DNAH3: variants seen among roughly 807,000 people sequenced by gnomAD.
DNAH3 encodes the protein axonemal beta dynein heavy chain 3.
In DNAH3, 332 loss-of-function variants were observed where a neutral mutation model predicts 432.5. The observed-to-expected ratio is 0.77, with a 90% CI of 0.70 to 0.84. The LOEUF is 0.84. Among genes scored for constraint, DNAH3 ranks in the 40% least tolerant of loss-of-function variants. The probability of loss-of-function intolerance (pLI) is 0.00; values close to 1 mark genes in which losing one functional copy is unlikely to be tolerated. For missense variants in DNAH3, 4,861 were observed against 5,114.0 expected, an observed-to-expected ratio of 0.95 and a Z score of 1.51; for synonymous variants, 1,956 against 1,900.2, an observed-to-expected ratio of 1.03 and a Z score of -0.76.
rs572011046 is a variant in DNAH3 at position 21,021,647 on chromosome 16, T to C, written c.5776+324A>G. ...AAGGTAGCCCAGGCGCTGTGGCTTA[T>C]GCCTGTAATCCCAGCACTTTGGGAG... is the stretch of plus-strand genomic sequence containing the variant. On this transcript the variant is annotated intron_variant, in intron 40 of 61. Transcript: ENST00000261383. Among the ~76,000 whole-genome samples the C allele has an allele frequency of 2.0e-5, 3 of 152,214 alleles. No individual in the cohort carries two copies. In the South Asian group the frequency reaches 6.2e-4, roughly 32 times the overall value.
chr16:20,963,382 A>G (rs757038468), exon 53 of DNAH3: 1 of 1,614,154 alleles, frequency 6.2e-7, no homozygotes, highest in Non-Finnish European at 8.5e-7. Context: ...AGGGGCTTCG[A>G]TATACAGCTT....
chr16:21,027,126 A>T (rs1428338016), exon 38 of DNAH3: 1 of 1,612,282 alleles, frequency 6.2e-7, no homozygotes, highest in Admixed American at 1.7e-5. Context: ...CATGAGACAC[A>T]GCTAAAAGTG....
rs555607065 is a variant in DNAH3 at position 21,028,004 on chromosome 16, T to C, written c.5440-877A>G. On this transcript the variant is annotated intron_variant, in intron 37 of 61. Coordinates refer to ENST00000261383, the Ensembl canonical transcript of DNAH3. Reference sequence around the variant, plus strand: ...TTTTTATTTTTAATTTTTATTTGCTTTTGAGACAGGTGTTGCTCTGTTACC... The same window carrying C: ...TTTTTATTTTTAATTTTTATTTGCTCTTGAGACAGGTGTTGCTCTGTTACC... Among the ~76,000 whole-genome samples the C allele has an allele frequency of 2.0e-5, 3 of 152,244 alleles. No individual in the cohort carries two copies. In the South Asian group the frequency reaches 6.2e-4, roughly 32 times the overall value.
intron 41 of DNAH3, among the ~76,000 whole-genome samples, chr16:21,010,888 G>GTTTTTTTT (rs200472753): frequency 7.2e-6 from 1 of 138,802 alleles, no homozygotes; most frequent in African/African-American, 2.8e-5. Flanking sequence ...GCCAAAACCT[G>GTTTTTTTT]TTTTTTTTTT....
At chr16:21,078,506 A>T (rs2091061017) in intron 20 of DNAH3, among the ~76,000 whole-genome samples, 1 of 152,188 alleles carries the variant, frequency 6.6e-6, no homozygotes, top group African/African-American at 2.4e-5. Context: ...GGGAATAATT[A>T]ATAAAGGCAG....
chr16:21,022,521 G>A (rs2088294510), intron 39 of DNAH3, among the ~76,000 whole-genome samples: 2 of 152,210 alleles, frequency 1.3e-5, no homozygotes, highest in South Asian at 4.1e-4. Flanking sequence ...GTATAAATTA[G>A]TCAAAGAGAG....
intron 22 of DNAH3, among the ~76,000 whole-genome samples, chr16:21,069,917 A>T (rs907005192): frequency 3.3e-5 from 5 of 152,226 alleles, no homozygotes; most frequent in Admixed American, 2.0e-4. Context: ...CCACAGCCTT[A>T]CAAGGTAGAT....
At position 21,123,892 on chromosome 16, in the gene DNAH3, A is replaced by C. The variant is rs550611208; in HGVS notation, c.1404+1283T>G. On this transcript the variant is annotated intron_variant, in intron 9 of 61. Coordinates refer to ENST00000261383, the Ensembl canonical transcript of DNAH3. The stretch of plus-strand genomic sequence containing the variant: ...ACTGCAACCTCTGCCTCCTGGGTTC[A>C]AGTGATTCTCCTGCCTCAGTCTCCT... Among the ~76,000 whole-genome samples the C allele has an allele frequency of 1.4e-3, 209 of 152,120 alleles. 1 individual carries two copies. Among genetic ancestry groups the C allele is most frequent in the African/African-American group, 4.9e-3 (202 of 41,498 alleles).
intron 5 of DNAH3, among the ~76,000 whole-genome samples, chr16:21,139,995 G>A (rs2092698189): frequency 1.3e-5 from 2 of 150,750 alleles, no homozygotes; most frequent in South Asian, 2.1e-4. Context: ...ATGTTGACCA[G>A]GCTGGTTTTG....
chr16:20,997,834 A>AT (rs2086828690), intron 43 of DNAH3, among the ~76,000 whole-genome samples: 3 of 128,326 alleles, frequency 2.3e-5, no homozygotes, highest in Admixed American at 1.5e-4. Flanking sequence ...CCCTGTCTCC[A>AT]TAAAAAAAAA....
intron 57 of DNAH3, among the ~76,000 whole-genome samples, chr16:20,947,224 C>T (rs750806700): frequency 2.1e-4 from 32 of 152,028 alleles, no homozygotes; most frequent in African/African-American, 7.5e-4. Flanking sequence ...AGACTGGGTG[C>T]GGGGAGCTTC....
chr16:21,146,228 C>T (rs1225950670), intron 1 of DNAH3, 140 bp from the exon 3 acceptor site: 2 of 604,652 alleles, frequency 3.3e-6, no homozygotes, highest in African/African-American at 3.7e-5. Context: ...TCCTCTCATT[C>T]CCATCCATTA....
intron 16 of DNAH3, 106 bp downstream of exon 16, chr16:21,104,365 T>G (rs544250961): frequency 2.2e-6 from 2 of 927,196 alleles, no homozygotes; most frequent in African/African-American, 3.3e-5. Context: ...CGCCCACACG[T>G]TGCCATGGAG....
intron 58 of DNAH3, 54 bp downstream of exon 58, chr16:20,944,442 G>T: frequency 6.2e-7 from 1 of 1,600,808 alleles, no homozygotes; most frequent in Non-Finnish European, 8.6e-7. Context: ...GTGCCCACTG[G>T]ATGAAGAACT....
chr16:21,121,696 G>A (rs1316954764), intron 10 of DNAH3, among the ~76,000 whole-genome samples: 3 of 151,536 alleles, frequency 2.0e-5, no homozygotes, highest in Non-Finnish European at 4.4e-5. Context: ...CTGCCTCCCG[G>A]GTTCAAGTGA....
chr16:21,094,452 C>A (rs2152787957), intron 18 of DNAH3, among the ~76,000 whole-genome samples: 1 of 152,198 alleles, frequency 6.6e-6, no homozygotes, highest in East Asian at 1.9e-4. Context: ...AGGTGGATCA[C>A]CTGAGGTCAG....
intron 3 of DNAH3, among the ~76,000 whole-genome samples, chr16:21,143,581 A>G (rs1488358782): frequency 1.3e-5 from 2 of 152,218 alleles, no homozygotes; most frequent in Non-Finnish European, 2.9e-5. Flanking sequence ...AACTAAGATG[A>G]TGACCATGAA....
Position 21,006,846 on chromosome 16 carries a change from G to A in DNAH3, c.6023-3639C>T, listed in dbSNP as rs147647221. On this transcript the variant is annotated intron_variant, in intron 41 of 61. Coordinates refer to ENST00000261383, the Ensembl canonical transcript of DNAH3. ...ACAACAGGCATGCACCACCACGTCT[G>A]GCTAATTTTTGTAGAGACGGGGTTT... 4.5e-3 allele frequency among the ~76,000 whole-genome samples: 680 copies of A among 152,124 alleles called. 6 individuals carry two copies. Among genetic ancestry groups the A allele is most frequent in the African/African-American group, 0.015 (635 of 41,470 alleles).
chr16:20,989,923 C>A (rs1348765098), intron 44 of DNAH3, among the ~76,000 whole-genome samples: 1 of 152,230 alleles, frequency 6.6e-6, no homozygotes, highest in African/African-American at 2.4e-5. Context: ...CAGGGCCGGC[C>A]GGCTGCTCCG....
Sources: gnomAD v4.1 joint callset for allele counts (sites outside exome capture counted in the v4.1 genomes callset) on GRCh38, gnomAD v4.1.1 for gene constraint, MANE v1.5 for transcripts, NCBI Gene and HGNC (gene_info 2026-07-23, HGNC 2026-07-21) for gene names.